The following STXBP5L variants were observed in gnomAD, a reference collection of about 807,000 sequenced individuals.
STXBP5L encodes syntaxin-binding protein 5-like.
STXBP5L carries 65 observed loss-of-function variants against 144.5 expected under a neutral mutation model. The observed-to-expected ratio is 0.45, with a 90% CI of 0.37 to 0.55. STXBP5L has a LOEUF of 0.55. STXBP5L is among the 20% of genes least tolerant of loss of function. The pLI, the probability that STXBP5L is intolerant of heterozygous loss-of-function variation, is 0.00. For missense variants in STXBP5L, 1,298 were observed against 1,405.5 expected (o/e 0.92, Z 1.22); for synonymous variants, 505 against 469.6 (o/e 1.08, Z -0.97).
At chr3:120,948,694 G>A (rs1374288701) in intron 2 of STXBP5L, among the ~76,000 whole-genome samples, 1 of 151,874 alleles carries the variant, frequency 6.6e-6, no homozygotes, top group East Asian at 1.9e-4. Flanking sequence ...TTAGAATAAT[G>A]GTCTCCAACT....
chr3:121,061,243 C>G (rs989647309), intron 5 of STXBP5L, among the ~76,000 whole-genome samples: 4 of 152,214 alleles, frequency 2.6e-5, no homozygotes. Context: ...AGTAGTCACT[C>G]AGGAGCATGT....
At chr3:121,264,411 T>G (rs2050485255) in intron 18 of STXBP5L, among the ~76,000 whole-genome samples, 1 of 151,976 alleles carries the variant, frequency 6.6e-6, no homozygotes, top group South Asian at 2.1e-4. Context: ...ACATACCCAT[T>G]CTAAAGGAAG....
chr3:121,224,366 A>ATATTATTTAT, intron 11 of STXBP5L, among the ~76,000 whole-genome samples: 1 of 152,152 alleles, frequency 6.6e-6, no homozygotes, highest in East Asian at 1.9e-4. Context: ...ATAATAATCA[A>ATATTATTTAT]TGTAGCACTT....
chr3:121,277,821 A>AT (rs200502368), intron 18 of STXBP5L, among the ~76,000 whole-genome samples: 4,290 of 152,066 alleles, frequency 0.028, 91 homozygotes, highest in Non-Finnish European at 0.04. Context: ...TGACACTCCT[A>AT]TATCTGCTGT....
chr3:121,125,913 T>C (rs1001935158), intron 7 of STXBP5L, among the ~76,000 whole-genome samples: 3 of 152,170 alleles, frequency 2.0e-5, no homozygotes, highest in African/African-American at 7.2e-5. Context: ...TAATAAATTC[T>C]TCCTCTCTTC....
rs561282517 is a variant in STXBP5L, at chr3:120,949,717, A to G, written c.190-5223A>G. ...TTTTTGGTTGCTTTGTTGAAGGTCA[A>G]ATACCTTGTCAAAATATTCAGCTGT... On this transcript the variant is annotated intron_variant, in intron 2 of 26. Coordinates refer to ENST00000471454, the MANE Select transcript of STXBP5L (RefSeq NM_001308330.2). Among the ~76,000 whole-genome samples, 3 of 151,468 alleles carry G rather than the reference A, an allele frequency of 2.0e-5. No homozygotes were observed. The East Asian group carries it at 5.8e-4, about 29-fold the overall frequency.
intron 2 of STXBP5L, among the ~76,000 whole-genome samples, chr3:120,947,056 G>GT (rs1559896497): frequency 6.6e-6 from 1 of 151,524 alleles, no homozygotes; most frequent in Admixed American, 6.6e-5. Flanking sequence ...CTATTGATAC[G>GT]TTGGCCACTT....
intron 19 of STXBP5L, among the ~76,000 whole-genome samples, chr3:121,309,512 A>G (rs892701876): frequency 1.6e-4 from 25 of 152,162 alleles, no homozygotes; most frequent in Non-Finnish European, 1.0e-4. Flanking sequence ...GCCTAACATG[A>G]TCAAAAAGAG....
Position 121,115,810 on chromosome 3 carries a change from A to G in STXBP5L, c.605+751A>G, listed in dbSNP as rs2044207927. ...GGTAGAAGTTAGGAGCAGGCATGTC[A>G]TATAATGAAAGCAGGAGCAAGAGGA... On this transcript the variant is annotated intron_variant, in intron 6 of 26. Transcript: ENST00000471454. 1.3e-5 allele frequency among the ~76,000 whole-genome samples: 2 copies of G among 152,162 alleles called. 1 individual carries two copies. The highest frequency in any genetic ancestry group is 4.1e-4 in the South Asian group (2 of 4,832).
At chr3:121,022,665 A>T (rs1185923141) in intron 3 of STXBP5L, among the ~76,000 whole-genome samples, 5 of 152,172 alleles carry the variant, frequency 3.3e-5, no homozygotes, top group African/African-American at 1.2e-4. Flanking sequence ...AATTCACATG[A>T]TCATCTCAAT....
chr3:121,334,263 C>T (rs1396834091), intron 20 of STXBP5L, among the ~76,000 whole-genome samples: 1 of 152,076 alleles, frequency 6.6e-6, no homozygotes, highest in Non-Finnish European at 1.5e-5. Context: ...AATACACCTA[C>T]CAACCAGAAA....
chr3:121,349,583 T>G (rs780516786), intron 20 of STXBP5L, among the ~76,000 whole-genome samples: 21 of 152,110 alleles, frequency 1.4e-4, no homozygotes, highest in Admixed American at 1.1e-3. Context: ...TATTATTGTG[T>G]GGGAGTCTAA....
intron 22 of STXBP5L, among the ~76,000 whole-genome samples, chr3:121,398,314 G>C (rs1049336296): frequency 1.3e-5 from 2 of 152,236 alleles, no homozygotes; most frequent in African/African-American, 2.4e-5. Context: ...TTTTGTGGGG[G>C]TTCCCCAGGC....
At position 121,074,778 on chromosome 3, in the gene STXBP5L, A is replaced by G. The variant is rs145704918; in HGVS notation, c.470+29243A>G. Among the ~76,000 whole-genome samples the G allele has an allele frequency of 4.5e-4, 69 of 152,234 alleles. 1 individual carries two copies. Among genetic ancestry groups the G allele is most frequent in the African/African-American group, 1.6e-3 (67 of 41,530 alleles). On this transcript the variant is annotated intron_variant, in intron 5 of 26. Transcript: ENST00000471454. ...AGAGTCGTGCCCCCTTACGGTGTAA[A>G]GGAGATTTGTGCTTGCAATTTCTGG...
chr3:120,971,472 A>G (rs1266577550), intron 3 of STXBP5L, among the ~76,000 whole-genome samples: 2 of 151,882 alleles, frequency 1.3e-5, no homozygotes, highest in Non-Finnish European at 2.9e-5. Flanking sequence ...AGCTTCTGCT[A>G]AACATGTGGT....
At chr3:121,278,536 C>G (rs1355029039) in intron 18 of STXBP5L, among the ~76,000 whole-genome samples, 3 of 151,832 alleles carry the variant, frequency 2.0e-5, no homozygotes, top group African/African-American at 7.2e-5. Flanking sequence ...TATATTTTAA[C>G]ATAAAAAGTT....
At chr3:121,257,104 A>AT in intron 16 of STXBP5L, 57 bp from the exon 17 acceptor site, 1 of 1,322,938 alleles carries the variant, frequency 7.6e-7, no homozygotes, top group Non-Finnish European at 1.0e-6. Context: ...CTTAGATTAA[A>AT]TTAAAACGAT....
At chr3:121,091,479 T>C (rs1185156540) in intron 5 of STXBP5L, among the ~76,000 whole-genome samples, 4 of 152,272 alleles carry the variant, frequency 2.6e-5, no homozygotes, top group African/African-American at 9.6e-5. Flanking sequence ...TTCTAACTGG[T>C]GTGAGATGAT....
intron 20 of STXBP5L, among the ~76,000 whole-genome samples, chr3:121,349,766 A>G (rs1255176547): frequency 1.3e-5 from 2 of 151,978 alleles, no homozygotes; most frequent in African/African-American, 2.4e-5. Flanking sequence ...TTTATCAGAG[A>G]CTAGGATTGC....
Sources: gnomAD v4.1 joint callset for allele counts (sites outside exome capture counted in the v4.1 genomes callset) on GRCh38, gnomAD v4.1.1 for gene constraint, MANE v1.5 for transcripts, NCBI Gene and HGNC (gene_info 2026-07-23, HGNC 2026-07-21) for gene names.